Variants in GALNT13 observed in about 807,000 individuals in gnomAD.
GALNT13 encodes UDP-GalNAc:polypeptide N-acetylgalactosaminyltransferase 13.
GALNT13 carries 28 observed loss-of-function variants against 64.2 expected under a neutral mutation model. That is an observed-to-expected ratio of 0.44 (90% confidence interval 0.32 to 0.60). The LOEUF (loss-of-function observed/expected upper bound fraction) is 0.60, where lower values mean the gene tolerates loss of function less well. Ranked by LOEUF, GALNT13 falls within the 20% of genes least tolerant of loss-of-function variation. The pLI, the probability that GALNT13 is intolerant of heterozygous loss-of-function variation, is 0.05. For missense variants in GALNT13, 577 were observed against 669.8 expected, an observed-to-expected ratio of 0.86 and a Z score of 1.53; for synonymous variants, 214 against 224.6, an observed-to-expected ratio of 0.95 and a Z score of 0.42.
At chr2:154,179,095 C>T (rs987403578) in intron 4 of GALNT13, among the ~76,000 whole-genome samples, 2 of 152,104 alleles carry the variant, frequency 1.3e-5, no homozygotes, top group East Asian at 3.8e-4. Flanking sequence ...CTCACTTATC[C>T]TTCGTGTCCC....
rs200436828 is a variant in GALNT13 at position 154,295,228 on chromosome 2, CT to C, written c.976-6175del. On this transcript the variant is annotated intron_variant, in intron 8 of 12. Coordinates refer to ENST00000392825, the MANE Select transcript of GALNT13 (RefSeq NM_052917.4). ...TTAGTGGAGTACAGATTTAAAATGACTTTTTTCCCCCCAATTATTGCTTTTA... is the reference window on the plus strand; with the variant it reads ...TTAGTGGAGTACAGATTTAAAATGACTTTTTCCCCCCAATTATTGCTTTTA... Among the ~76,000 whole-genome samples, 1,012 of 152,168 alleles carry C rather than the reference CT, an allele frequency of 6.7e-3. 15 individuals are homozygous for C. The highest frequency in any genetic ancestry group is 0.041 in the East Asian group (211 of 5,172).
At chr2:153,142,396 A>C in the GALNT13 span, among the ~76,000 whole-genome samples, 160 of 152,138 alleles carry the variant, frequency 1.1e-3, 2 homozygotes, top group East Asian at 0.029. Context: ...AGCAATTTCT[A>C]AACATATCAA....
At chr2:153,506,316 G>A in the GALNT13 span, among the ~76,000 whole-genome samples, 3 of 152,154 alleles carry the variant, frequency 2.0e-5, no homozygotes, top group Non-Finnish European at 4.4e-5. Context: ...TATCTTTTAA[G>A]TGGAGCACTT....
chr2:153,989,796 T>A (rs901777627), intron 3 of GALNT13, among the ~76,000 whole-genome samples: 2 of 152,042 alleles, frequency 1.3e-5, no homozygotes, highest in African/African-American at 4.8e-5. Flanking sequence ...TGAAAGATAT[T>A]GATTGAAATG....
the GALNT13 span, among the ~76,000 whole-genome samples, chr2:153,850,048 G>A: frequency 1.3e-5 from 2 of 150,034 alleles, no homozygotes; most frequent in Non-Finnish European, 3.0e-5. Flanking sequence ...GCATGGTGGC[G>A]GACACCTGTA....
At chr2:154,220,365 CAA>C (rs1403607021) in intron 4 of GALNT13, among the ~76,000 whole-genome samples, 5 of 151,964 alleles carry the variant, frequency 3.3e-5, no homozygotes, top group African/African-American at 9.7e-5. Context: ...TCTTGGAATT[CAA>C]AAGACTGAAG....
chr2:154,096,440 A>G (rs978255696), intron 3 of GALNT13, among the ~76,000 whole-genome samples: 1 of 152,182 alleles, frequency 6.6e-6, no homozygotes, highest in South Asian at 2.1e-4. Context: ...ATGCTCAGTT[A>G]AAAATGACAA....
At chr2:154,161,692 A>C (rs900541705) in intron 4 of GALNT13, among the ~76,000 whole-genome samples, 1 of 152,106 alleles carries the variant, frequency 6.6e-6, no homozygotes, top group Non-Finnish European at 1.5e-5. Context: ...TTGGAAAATC[A>C]TTTTTCAATG....
the GALNT13 span, among the ~76,000 whole-genome samples, chr2:153,650,839 C>T: frequency 2.6e-5 from 4 of 152,048 alleles, no homozygotes; most frequent in African/African-American, 9.7e-5. Flanking sequence ...AAACAAAATG[C>T]ACATTTCATC....
At chr2:154,045,915 TTCTC>T (rs1388982751) in intron 3 of GALNT13, among the ~76,000 whole-genome samples, 2 of 152,116 alleles carry the variant, frequency 1.3e-5, no homozygotes, top group Admixed American at 1.3e-4. Flanking sequence ...GTCTTTTTCT[TTCTC>T]TGTCTAGTAA....
chr2:154,319,000 G>C (rs920242431), intron 9 of GALNT13, among the ~76,000 whole-genome samples: 1 of 152,040 alleles, frequency 6.6e-6, no homozygotes, highest in African/African-American at 2.4e-5. Flanking sequence ...CATTGTACTG[G>C]TAAAGTTCAA....
the GALNT13 span, among the ~76,000 whole-genome samples, chr2:153,286,765 T>C: frequency 6.6e-6 from 1 of 152,178 alleles, no homozygotes; most frequent in East Asian, 1.9e-4. Context: ...ATGACACTTA[T>C]GTGTAAAGAG....
rs114348630 is a variant in GALNT13 at position 153,929,465 on chromosome 2, A to G, written c.-104-14929A>G. Among the ~76,000 whole-genome samples, 390 of 152,284 alleles carry G rather than the reference A, an allele frequency of 2.6e-3. 1 individual carries two copies. The highest frequency in any genetic ancestry group is 4.5e-3 in the Non-Finnish European group (304 of 68,018). On this transcript the variant is annotated intron_variant, in intron 2 of 12. Coordinates refer to ENST00000392825, the MANE Select transcript of GALNT13 (RefSeq NM_052917.4). ...GTCACCCAGGTAATGAGAATAGTAC[A>G]CAAAAGGTAGTTTTTCAGTACTTAA...
At chr2:153,644,948 T>C in the GALNT13 span, among the ~76,000 whole-genome samples, 1 of 152,192 alleles carries the variant, frequency 6.6e-6, no homozygotes. Flanking sequence ...ATGCCTTCTC[T>C]GTACTTACGG....
At chr2:153,259,512 C>G in the GALNT13 span, among the ~76,000 whole-genome samples, 1 of 151,936 alleles carries the variant, frequency 6.6e-6, no homozygotes, top group African/African-American at 2.4e-5. Context: ...AATAGTAGCT[C>G]CCATAATCCC....
chr2:153,212,982 C>T, the GALNT13 span, among the ~76,000 whole-genome samples: 1 of 152,182 alleles, frequency 6.6e-6, no homozygotes, highest in African/African-American at 2.4e-5. Context: ...AAGAGTCTTA[C>T]ACATCCAGGG....
chr2:154,353,849 G>A (rs545641215), intron 9 of GALNT13, among the ~76,000 whole-genome samples: 3 of 152,196 alleles, frequency 2.0e-5, no homozygotes, highest in East Asian at 3.9e-4. Flanking sequence ...CTTGGCTATT[G>A]TGAACAATGC....
the GALNT13 span, among the ~76,000 whole-genome samples, chr2:153,697,329 T>G: frequency 3.3e-5 from 5 of 152,176 alleles, no homozygotes; most frequent in African/African-American, 1.2e-4. Flanking sequence ...ATCTTGTCAC[T>G]TCCCCAAATG....
the GALNT13 span, among the ~76,000 whole-genome samples, chr2:153,252,854 G>A: frequency 3.5e-4 from 53 of 152,326 alleles, no homozygotes; most frequent in African/African-American, 1.2e-3. Context: ...CCAGCACCAC[G>A]CTGTTTTGGT....
Sources: allele counts gnomAD v4.1 joint callset (sites outside exome capture counted in the v4.1 genomes callset), GRCh38; gene constraint gnomAD v4.1.1; transcripts MANE v1.5; gene names NCBI Gene and HGNC (gene_info 2026-07-23, HGNC 2026-07-21).